The following TMEM232 variants were observed in gnomAD, a reference collection of about 807,000 sequenced individuals.
The protein encoded by TMEM232 is transmembrane protein 232.
In TMEM232, 80 loss-of-function variants were observed where a neutral mutation model predicts 78.8. The observed-to-expected ratio is 1.01, with a 90% confidence interval of 0.85 to 1.22. The LOEUF is 1.22. Among genes scored for constraint, TMEM232 ranks in the 50% most tolerant of loss-of-function variants. TMEM232 has a pLI of 0.00. For missense variants in TMEM232, 881 were observed against 742.2 expected (o/e 1.19, Z -2.17); for synonymous variants, 297 against 254.3 (o/e 1.17, Z -1.60).
chr5:110,698,700 A>G (rs972366325), intron 1 of TMEM232, among the ~76,000 whole-genome samples: 2 of 152,056 alleles, frequency 1.3e-5, no homozygotes, highest in African/African-American at 4.8e-5. Flanking sequence ...AGGACCTCTA[A>G]GAGGAGTAGT....
chr5:110,406,954 T>C (rs1236469437), intron 2 of TMEM232, among the ~76,000 whole-genome samples: 1 of 152,054 alleles, frequency 6.6e-6, no homozygotes, highest in African/African-American at 2.4e-5. Context: ...ATGTTTTTTG[T>C]AAGCCCCATC....
intron 1 of TMEM232, among the ~76,000 whole-genome samples, chr5:110,679,498 T>C (rs1244218047): frequency 6.6e-6 from 1 of 152,230 alleles, no homozygotes; most frequent in Non-Finnish European, 1.5e-5. Flanking sequence ...ATTGGGATTG[T>C]CTTTAACAGG....
chr5:110,576,008 C>G (rs977207636), intron 10 of TMEM232, among the ~76,000 whole-genome samples: 2 of 152,044 alleles, frequency 1.3e-5, no homozygotes, highest in African/African-American at 4.8e-5. Context: ...GAGGCTGAAT[C>G]CAGGGGGCCG....
chr5:110,616,949 A>G (rs1358996039), intron 8 of TMEM232, among the ~76,000 whole-genome samples: 1 of 152,202 alleles, frequency 6.6e-6, no homozygotes, highest in Non-Finnish European at 1.5e-5. Flanking sequence ...AAAAAGTGAA[A>G]TCAGTATGTT....
chr5:110,451,045 T>C (rs1319867021), intron 12 of TMEM232, among the ~76,000 whole-genome samples: 1 of 152,114 alleles, frequency 6.6e-6, no homozygotes, highest in Non-Finnish European at 1.5e-5. Flanking sequence ...ACATGGTAGG[T>C]CATCTCAGAA....
intron 12 of TMEM232, among the ~76,000 whole-genome samples, chr5:110,467,752 A>G (rs771621142): frequency 6.6e-6 from 1 of 152,206 alleles, no homozygotes; most frequent in Non-Finnish European, 1.5e-5. Context: ...AATAAATAAA[A>G]ATATATTTTC....
intron 11 of TMEM232, among the ~76,000 whole-genome samples, chr5:110,534,534 C>T (rs1399268024): frequency 6.6e-6 from 1 of 152,156 alleles, no homozygotes; most frequent in Non-Finnish European, 1.5e-5. Context: ...AGACACCAGA[C>T]CAACTTAGAC....
At chr5:110,592,534 C>T (rs571805331) in intron 10 of TMEM232, among the ~76,000 whole-genome samples, 2 of 152,246 alleles carry the variant, frequency 1.3e-5, no homozygotes, top group African/African-American at 4.8e-5. Flanking sequence ...CCTTTAAAAG[C>T]ATTCAACATT....
intron 12 of TMEM232, among the ~76,000 whole-genome samples, chr5:110,427,901 T>A (rs765733119): frequency 2.6e-5 from 4 of 151,920 alleles, no homozygotes; most frequent in African/African-American, 7.2e-5. Flanking sequence ...GTATATGAGA[T>A]GTTTTGATAC....
intron 12 of TMEM232, among the ~76,000 whole-genome samples, chr5:110,450,423 A>G (rs905664122): frequency 3.3e-5 from 5 of 152,004 alleles, no homozygotes; most frequent in Non-Finnish European, 7.4e-5. Context: ...TCTCACCTGT[A>G]CTTTTGAAAT....
At chr5:110,624,957 A>G (rs906733114) in intron 7 of TMEM232, among the ~76,000 whole-genome samples, 4 of 152,112 alleles carry the variant, frequency 2.6e-5, no homozygotes, top group African/African-American at 9.7e-5. Context: ...ACAAAAAAAT[A>G]AAAGAAGTTT....
chr5:110,422,082 AT>A (rs998119628), intron 13 of TMEM232, among the ~76,000 whole-genome samples: 19 of 152,276 alleles, frequency 1.2e-4, no homozygotes, highest in Non-Finnish European at 2.6e-4. Context: ...ATGACACATT[AT>A]TTTTCTCATA....
intron 8 of TMEM232, among the ~76,000 whole-genome samples, chr5:110,613,376 G>T (rs1388853075): frequency 6.6e-6 from 1 of 152,124 alleles, no homozygotes; most frequent in Non-Finnish European, 1.5e-5. Flanking sequence ...ATGGGCACAA[G>T]CACAAGCCAT....
At chr5:110,715,502 T>C (rs1335868833) in intron 1 of TMEM232, among the ~76,000 whole-genome samples, 3 of 152,188 alleles carry the variant, frequency 2.0e-5, no homozygotes, top group Non-Finnish European at 4.4e-5. Context: ...AAAGACTGGC[T>C]GTAGAAAGTT....
intron 2 of TMEM232, among the ~76,000 whole-genome samples, chr5:110,649,620 G>T (rs1788011351): frequency 6.6e-6 from 1 of 152,072 alleles, no homozygotes; most frequent in South Asian, 2.1e-4. Flanking sequence ...GATATCAGTT[G>T]TTTTGATAAT....
chr5:110,470,910 A>G (rs1762599995), intron 12 of TMEM232, among the ~76,000 whole-genome samples: 2 of 152,182 alleles, frequency 1.3e-5, no homozygotes, highest in African/African-American at 2.4e-5. Flanking sequence ...AAAATCTACA[A>G]ATTGCCAGAA....
intron 2 of TMEM232, among the ~76,000 whole-genome samples, chr5:110,732,845 A>T (rs766699900): frequency 2.6e-5 from 4 of 152,246 alleles, no homozygotes; most frequent in Non-Finnish European, 5.9e-5. Context: ...AAGAGAAAGG[A>T]AAGCTAATCA....
intron 10 of TMEM232, among the ~76,000 whole-genome samples, chr5:110,585,488 A>G (rs1009705391): frequency 6.6e-6 from 1 of 152,126 alleles, no homozygotes; most frequent in African/African-American, 2.4e-5. Context: ...GAAAATTGTC[A>G]GGTTTTCACA....
intron 12 of TMEM232, among the ~76,000 whole-genome samples, chr5:110,467,158 T>G (rs1762169798): frequency 6.6e-6 from 1 of 152,216 alleles, no homozygotes; most frequent in African/African-American, 2.4e-5. Context: ...ATAATTCATC[T>G]GGCTAAAGAC....
Sources: gnomAD v4.1 joint callset for allele counts (sites outside exome capture counted in the v4.1 genomes callset) on GRCh38, gnomAD v4.1.1 for gene constraint, MANE v1.5 for transcripts, NCBI Gene and HGNC (gene_info 2026-07-23, HGNC 2026-07-21) for gene names.